TMEM123: variants seen among roughly 807,000 people sequenced by gnomAD.
The protein encoded by TMEM123 is porimin.
Under a neutral mutation model 19.7 loss-of-function variants are expected in TMEM123, and 16 were observed. The ratio of observed to expected loss-of-function variants is 0.81; its 90% confidence interval spans 0.55 to 1.23. The LOEUF (loss-of-function observed/expected upper bound fraction) is 1.23. Ranked by LOEUF, TMEM123 falls within the 50% of genes most tolerant of loss-of-function variation. The pLI, the probability that TMEM123 is intolerant of heterozygous loss-of-function variation, is 0.00. For synonymous variants in TMEM123, 118 were observed against 99.4 expected (o/e 1.19, Z -1.12); for missense variants, 313 against 257.8 (o/e 1.21, Z -1.47).
intron 3 of TMEM123, 37 bp from the exon 4 acceptor site, chr11:102,401,729 A>AT (rs139978855): frequency 0.02 from 24,458 of 1,241,000 alleles, 64 homozygotes; most frequent in African/African-American, 0.063. Context: ...CTTTAGCGTT[A>AT]TTTTTTTTTT....
chr11:102,427,698 C>T (rs1208455599), intron 2 of TMEM123, among the ~76,000 whole-genome samples: 5 of 150,854 alleles, frequency 3.3e-5, no homozygotes, highest in African/African-American at 9.7e-5. Flanking sequence ...ATTAGCCAGG[C>T]GTGGTGGTAC....
intron 2 of TMEM123, among the ~76,000 whole-genome samples, chr11:102,429,452 C>T (rs1406198326): frequency 6.6e-6 from 1 of 152,122 alleles, no homozygotes; most frequent in Non-Finnish European, 1.5e-5. Context: ...TACTGAAAGG[C>T]AAGTTTTGGC....
intron 1 of TMEM123, among the ~76,000 whole-genome samples, chr11:102,450,703 T>C (rs79991976): frequency 0.045 from 6,811 of 152,318 alleles, 212 homozygotes; most frequent in Non-Finnish European, 0.073. Flanking sequence ...CAAACATGTA[T>C]TAATTGTTTT....
chr11:102,405,315 G>C (rs905058029), intron 2 of TMEM123, among the ~76,000 whole-genome samples: 1 of 152,116 alleles, frequency 6.6e-6, no homozygotes, highest in African/African-American at 2.4e-5. Context: ...GCCTCCCAAA[G>C]TGCTGGGATT....
intron 2 of TMEM123, among the ~76,000 whole-genome samples, chr11:102,427,283 G>A (rs1439065352): frequency 5.9e-5 from 9 of 151,948 alleles, no homozygotes; most frequent in Non-Finnish European, 1.5e-5. Context: ...TCAGTCTTCA[G>A]TCTTAACTTG....
intron 2 of TMEM123, among the ~76,000 whole-genome samples, chr11:102,417,917 G>A (rs1952054391): frequency 6.6e-6 from 1 of 152,044 alleles, no homozygotes; most frequent in South Asian, 2.1e-4. Context: ...TTCAATAAAT[G>A]GTACTGGGAT....
chr11:102,437,923 AG>A, intron 2 of TMEM123, among the ~76,000 whole-genome samples: 1 of 152,154 alleles, frequency 6.6e-6, no homozygotes. Flanking sequence ...CCTGTCATGC[AG>A]GTCTCAGCTC....
At chr11:102,431,651 A>T (rs914749178) in intron 2 of TMEM123, among the ~76,000 whole-genome samples, 5 of 152,222 alleles carry the variant, frequency 3.3e-5, no homozygotes, top group Non-Finnish European at 5.9e-5. Flanking sequence ...GCTGAATAGT[A>T]TTCCATTGTG....
intron 2 of TMEM123, among the ~76,000 whole-genome samples, chr11:102,416,869 T>TCACA (rs1355997558): frequency 6.6e-6 from 1 of 152,124 alleles, no homozygotes; most frequent in African/African-American, 2.4e-5. Context: ...ACGTGATTTA[T>TCACA]CACATAATGT....
chr11:102,427,168 CATT>C (rs1387623748), intron 2 of TMEM123, among the ~76,000 whole-genome samples: 21 of 151,068 alleles, frequency 1.4e-4, no homozygotes, highest in African/African-American at 2.7e-4. Flanking sequence ...CACTGACAAA[CATT>C]GTTGTTCAAA....
intron 2 of TMEM123, among the ~76,000 whole-genome samples, chr11:102,421,799 A>G (rs549109370): frequency 6.6e-6 from 1 of 152,354 alleles, no homozygotes; most frequent in African/African-American, 2.4e-5. Flanking sequence ...TGCTGTGTGC[A>G]GTCACCATGC....
chr11:102,443,068 C>G (rs1027564132), intron 2 of TMEM123, among the ~76,000 whole-genome samples: 1 of 152,188 alleles, frequency 6.6e-6, no homozygotes, highest in South Asian at 2.1e-4. Context: ...AATGGAAGAA[C>G]ATTCCATGCT....
At chr11:102,416,655 A>G (rs1419060496) in intron 2 of TMEM123, among the ~76,000 whole-genome samples, 1 of 152,162 alleles carries the variant, frequency 6.6e-6, no homozygotes, top group Non-Finnish European at 1.5e-5. Flanking sequence ...CTATAAGGCT[A>G]GCAACATTCT....
chr11:102,427,806 C>T (rs1307266010), intron 2 of TMEM123, among the ~76,000 whole-genome samples: 1 of 150,632 alleles, frequency 6.6e-6, no homozygotes, highest in Non-Finnish European at 1.5e-5. Flanking sequence ...CCACTGCACT[C>T]CAGCCTGGGC....
intron 2 of TMEM123, among the ~76,000 whole-genome samples, chr11:102,411,588 G>A (rs953474450): frequency 6.6e-6 from 1 of 151,886 alleles, no homozygotes; most frequent in Admixed American, 6.6e-5. Flanking sequence ...CTTAACTGGT[G>A]GGATCTGACA....
intron 2 of TMEM123, among the ~76,000 whole-genome samples, chr11:102,419,983 A>G (rs1298498557): frequency 2.0e-5 from 3 of 152,248 alleles, no homozygotes; most frequent in Non-Finnish European, 4.4e-5. Context: ...CCTTCCAGTT[A>G]CATGCTGAGG....
At chr11:102,400,704 T>C (rs549511283) in intron 4 of TMEM123, among the ~76,000 whole-genome samples, 32 of 152,324 alleles carry the variant, frequency 2.1e-4, no homozygotes, top group African/African-American at 7.5e-4. Flanking sequence ...TTAATACCCT[T>C]ACAATTAGAG....
At chr11:102,448,912 T>C in intron 1 of TMEM123, 44 bp from the exon 2 acceptor site, 1 of 1,585,386 alleles carries the variant, frequency 6.3e-7, no homozygotes, top group East Asian at 2.2e-5. Context: ...AACATTTAAC[T>C]AAGAATACTG....
intron 2 of TMEM123, among the ~76,000 whole-genome samples, chr11:102,441,799 A>G (rs992101002): frequency 5.9e-5 from 9 of 152,254 alleles, no homozygotes; most frequent in Non-Finnish European, 8.8e-5. Flanking sequence ...TTGATAGACC[A>G]CTAGCAAGAC....
Sources: allele counts gnomAD v4.1 joint callset (sites outside exome capture counted in the v4.1 genomes callset), GRCh38; gene constraint gnomAD v4.1.1; transcripts MANE v1.5; gene names NCBI Gene and HGNC (gene_info 2026-07-23, HGNC 2026-07-21).